METTL15: variants seen among roughly 807,000 people sequenced by gnomAD.
METTL15 encodes the protein methyltransferase 15, mitochondrial 12S rRNA N4-cytidine.
A neutral mutation model predicts 38.3 loss-of-function variants in METTL15; 34 were observed. That is an observed-to-expected ratio of 0.89 (90% CI 0.68 to 1.18). The LOEUF is 1.18. METTL15 is among the 50% of genes most tolerant of loss of function. The pLI is 0.00. For missense variants in METTL15, 438 were observed against 498.4 expected (o/e 0.88, Z 1.15); for synonymous variants, 162 against 170.9 (o/e 0.95, Z 0.41).
At chr11:28,272,135 T>A (rs1341919874) in intron 4 of METTL15, among the ~76,000 whole-genome samples, 3 of 152,198 alleles carry the variant, frequency 2.0e-5, no homozygotes, top group Non-Finnish European at 4.4e-5. Context: ...GTAAATTAGT[T>A]GAACCATTGT....
At chr11:28,501,818 G>C (rs1366662470) in intron 6 of METTL15, among the ~76,000 whole-genome samples, 1 of 152,042 alleles carries the variant, frequency 6.6e-6, no homozygotes, top group East Asian at 1.9e-4. Context: ...AACCTGGCTC[G>C]GCCAGGCGCG....
chr11:28,431,492 GCT>G (rs1474626534), intron 6 of METTL15, among the ~76,000 whole-genome samples: 1 of 79,572 alleles, frequency 1.3e-5, no homozygotes, highest in Non-Finnish European at 2.7e-5. Flanking sequence ...CCAACCCTGT[GCT>G]CTCTGAAACA....
intron 6 of METTL15, among the ~76,000 whole-genome samples, chr11:28,302,402 A>C (rs910790027): frequency 1.3e-5 from 2 of 152,070 alleles, no homozygotes; most frequent in African/African-American, 4.8e-5. Context: ...TCTTCATCCA[A>C]ACCTCATCTT....
chr11:28,516,324 G>C (rs1307244927), intron 6 of METTL15, among the ~76,000 whole-genome samples: 3 of 152,140 alleles, frequency 2.0e-5, no homozygotes, highest in Non-Finnish European at 4.4e-5. Context: ...ACTTGGGGCA[G>C]AGACTGTCAG....
chr11:28,388,039 A>T (rs908876507), intron 5 of METTL15, among the ~76,000 whole-genome samples: 1 of 120,314 alleles, frequency 8.3e-6, no homozygotes, highest in African/African-American at 2.6e-5. Flanking sequence ...AGAAATAGGA[A>T]TAAATTACCT....
At position 28,392,947 on chromosome 11, in the gene METTL15, G is replaced by A. The variant is rs76300664; in HGVS notation, c.*358+30911G>A. 1.7e-4 allele frequency among the ~76,000 whole-genome samples: 26 copies of A among 151,856 alleles called. No homozygotes were observed. In the East Asian group the frequency reaches 4.9e-3, roughly 28 times the overall value. On this transcript the variant is annotated intron_variant and NMD_transcript_variant, in intron 5 of 7. Transcript: ENST00000532947. ...TTAGGGTGATACAAATCAAAATAAT[G>A]ATAAGATATCACCTCACAATCATTA...
intron 3 of METTL15, among the ~76,000 whole-genome samples, chr11:28,114,355 A>G (rs2133590728): frequency 6.6e-6 from 1 of 152,230 alleles, no homozygotes; most frequent in Non-Finnish European, 1.5e-5. Flanking sequence ...TGGATATGCC[A>G]CATTTTGTTT....
intron 3 of METTL15, among the ~76,000 whole-genome samples, chr11:28,341,831 G>T (rs1849955545): frequency 6.6e-6 from 1 of 152,062 alleles, no homozygotes; most frequent in Non-Finnish European, 1.5e-5. Context: ...TGGCCATTTT[G>T]CAATCTTCCA....
chr11:28,523,818 C>T (rs1368359352), intron 6 of METTL15, among the ~76,000 whole-genome samples: 1 of 152,090 alleles, frequency 6.6e-6, no homozygotes, highest in Non-Finnish European at 1.5e-5. Context: ...GAAAATGGGC[C>T]TATTGAGCCT....
At chr11:28,351,358 C>T (rs1251142696) in intron 3 of METTL15, among the ~76,000 whole-genome samples, 1 of 152,094 alleles carries the variant, frequency 6.6e-6, no homozygotes, top group Non-Finnish European at 1.5e-5. Flanking sequence ...CAATCCAGTC[C>T]ACCCACCTCA....
intron 4 of METTL15, among the ~76,000 whole-genome samples, chr11:28,218,748 A>T (rs923645882): frequency 6.6e-6 from 1 of 152,116 alleles, no homozygotes; most frequent in Non-Finnish European, 1.5e-5. Context: ...TACCTAATTT[A>T]TTGAGAGTTT....
Position 28,332,122 on chromosome 11 carries a change from T to C in METTL15, c.*1281T>C, listed in dbSNP as rs1849832930. On this transcript the variant is annotated 3_prime_UTR_variant, in exon 7 of 7. Coordinates refer to ENST00000407364, the MANE Select transcript of METTL15 (RefSeq NM_001113528.2). ...GCATGAATTTTCCTCAGACTTATTT[T>C]ATCTGCCTCTGTAATATTTAACTTT... The C allele has an allele frequency of 6.6e-6, 1 of 152,208 alleles. No individual in the cohort carries two copies. Among genetic ancestry groups the C allele is most frequent in the Non-Finnish European group, 1.5e-5 (1 of 68,022 alleles). The allele number at this position is 152,208 out of a possible 1,614,324, so 9.4% of individuals were successfully genotyped here. A position where few individuals can be genotyped will look rare whatever the true frequency, so the allele number is the denominator to read the frequency against.
chr11:28,310,529 A>G (rs1220460124), intron 6 of METTL15, among the ~76,000 whole-genome samples: 1 of 152,060 alleles, frequency 6.6e-6, no homozygotes, highest in Non-Finnish European at 1.5e-5. Context: ...AATCTTAATG[A>G]ATGGGCTTTA....
chr11:28,227,340 A>G (rs950084390), intron 4 of METTL15, among the ~76,000 whole-genome samples: 6 of 151,896 alleles, frequency 4.0e-5, no homozygotes, highest in African/African-American at 1.2e-4. Flanking sequence ...AATTGTGATC[A>G]TGGCTATGAA....
At chr11:28,257,619 C>T (rs117667719) in intron 4 of METTL15, among the ~76,000 whole-genome samples, 116 of 152,142 alleles carry the variant, frequency 7.6e-4, no homozygotes, top group Middle Eastern at 6.8e-3. Flanking sequence ...TATCAAATAG[C>T]CTGTCTTCAA....
At chr11:28,118,650 A>G (rs979317557) in intron 3 of METTL15, among the ~76,000 whole-genome samples, 1 of 152,166 alleles carries the variant, frequency 6.6e-6, no homozygotes, top group Non-Finnish European at 1.5e-5. Flanking sequence ...AGGAAACCTG[A>G]TACTCTTGCC....
At chr11:28,269,115 T>C (rs1175079131) in intron 4 of METTL15, among the ~76,000 whole-genome samples, 6 of 152,180 alleles carry the variant, frequency 3.9e-5, no homozygotes, top group Non-Finnish European at 8.8e-5. Context: ...TGTAACTTGC[T>C]GTACCTGAAA....
chr11:28,506,019 C>G (rs1404571077), intron 6 of METTL15, among the ~76,000 whole-genome samples: 2 of 152,202 alleles, frequency 1.3e-5, no homozygotes, highest in Non-Finnish European at 2.9e-5. Context: ...TGTGAGAGCC[C>G]TCATTTTGCT....
At chr11:28,428,168 T>G (rs749925426) in intron 6 of METTL15, among the ~76,000 whole-genome samples, 9 of 152,204 alleles carry the variant, frequency 5.9e-5, no homozygotes, top group Non-Finnish European at 1.2e-4. Context: ...CAAACCTAGA[T>G]AGTATAGCCT....
Sources: allele counts gnomAD v4.1 joint callset (sites outside exome capture counted in the v4.1 genomes callset), GRCh38; gene constraint gnomAD v4.1.1; transcripts MANE v1.5; gene names NCBI Gene and HGNC (gene_info 2026-07-23, HGNC 2026-07-21).